The following MFAP1 variants were observed in gnomAD, a reference collection of about 807,000 sequenced individuals.
MFAP1 encodes microfibrillar-associated protein 1.
MFAP1 carries 18 observed loss-of-function variants against 62.2 expected under a neutral mutation model. The observed-to-expected ratio is 0.29, with a 90% CI of 0.20 to 0.43. The LOEUF (loss-of-function observed/expected upper bound fraction) is 0.43, where lower values mean the gene tolerates loss of function less well. MFAP1 is among the 20% of genes least tolerant of loss of function. The pLI, the probability that MFAP1 is intolerant of heterozygous loss-of-function variation, is 1.00. For missense variants in MFAP1, 355 were observed against 559.7 expected, an observed-to-expected ratio of 0.63 and a Z score of 3.69; for synonymous variants, 175 against 180.4, an observed-to-expected ratio of 0.97 and a Z score of 0.24.
At chr15:43,815,311 C>T (rs1290420641) in intron 2 of MFAP1, among the ~76,000 whole-genome samples, 2 of 152,054 alleles carry the variant, frequency 1.3e-5, no homozygotes, top group Non-Finnish European at 2.9e-5. Flanking sequence ...TCCTGAGTAG[C>T]TGGGACTATA....
intron 1 of MFAP1, among the ~76,000 whole-genome samples, chr15:43,820,567 C>A (rs1224574774): frequency 1.3e-5 from 2 of 152,142 alleles, no homozygotes; most frequent in African/African-American, 4.8e-5. Flanking sequence ...AATAAGCATA[C>A]CTGTACATTA....
At chr15:43,808,238 G>A (rs1267770732) in intron 7 of MFAP1, among the ~76,000 whole-genome samples, 2 of 152,200 alleles carry the variant, frequency 1.3e-5, no homozygotes, top group Admixed American at 6.5e-5. Flanking sequence ...CAAAGTCTTG[G>A]TCAGCCACCC....
intron 1 of MFAP1, among the ~76,000 whole-genome samples, chr15:43,821,940 CGTGT>C (rs138800912): frequency 1.3e-5 from 2 of 151,252 alleles, no homozygotes; most frequent in South Asian, 2.1e-4. Context: ...AAACTAGAAA[CGTGT>C]GTAAGAGAAG....
rs182664163 is a variant in MFAP1 at position 43,816,690 on chromosome 15, C to T, written c.299+539G>A. On this transcript the variant is annotated intron_variant, in intron 2 of 8. Coordinates refer to ENST00000267812, the MANE Select transcript of MFAP1 (RefSeq NM_005926.3). ...AAAAAACTCCTGGGACAATTATGAACGGTGAAAGTTCAGGACTCCTGGCCT... is the reference window on the plus strand; with the variant it reads ...AAAAAACTCCTGGGACAATTATGAATGGTGAAAGTTCAGGACTCCTGGCCT... Among the ~76,000 whole-genome samples the T allele has an allele frequency of 2.2e-3, 336 of 152,220 alleles. 2 individuals are homozygous for T. The highest frequency in any genetic ancestry group is 9.7e-4 in the Non-Finnish European group (66 of 68,012).
At chr15:43,818,271 A>G (rs1316094288) in intron 1 of MFAP1, among the ~76,000 whole-genome samples, 3 of 151,966 alleles carry the variant, frequency 2.0e-5, no homozygotes, top group Non-Finnish European at 4.4e-5. Flanking sequence ...CGCCCACCTC[A>G]GCCTCCCAAA....
Position 43,805,199 on chromosome 15 carries a change from A to G in MFAP1, c.1215T>C (p.Ala405=), listed in dbSNP as rs769520433. 22 of 1,602,826 alleles carry G rather than the reference A, an allele frequency of 1.4e-5. No homozygotes were observed. The highest frequency in any genetic ancestry group is 1.9e-5 in the Non-Finnish European group (22 of 1,170,276). The part of the protein sequence containing the change: ...VDQDTTSFDS[A]WGQESAQNTK... Reference sequence around the variant, plus strand: ...TGTTCTGGGCACTCTCTTGGCCCCAAGCTGAGTCAAAGGAGGTGGTATCTT... The same window carrying G: ...TGTTCTGGGCACTCTCTTGGCCCCAGGCTGAGTCAAAGGAGGTGGTATCTT... Residue 405 remains alanine (A), a synonymous_variant, in exon 9 of 9, where the codon GCT becomes GCC. Coordinates refer to ENST00000267812, the MANE Select transcript of MFAP1 (RefSeq NM_005926.3).
At chr15:43,809,935 T>C in intron 6 of MFAP1, 21 bp from the exon 7 acceptor site, 2 of 1,613,758 alleles carry the variant, frequency 1.2e-6, no homozygotes, top group Non-Finnish European at 1.7e-6. Context: ...AGCAAAACAA[T>C]TTATTGGTAC....
At position 43,805,027 on chromosome 15, in the gene MFAP1, C is replaced by A. The variant is rs2087354005; in HGVS notation, c.*67G>T. On this transcript the variant is annotated 3_prime_UTR_variant, in exon 9 of 9. Transcript: ENST00000267812. ...AGGGGCCAAGGAAACAATGAAAAAA[C>A]CAAATCAAGGACCAGATGCTGAGAC... The A allele has an allele frequency of 1.3e-6, 2 of 1,483,522 alleles. No individual in the cohort carries two copies. The highest frequency in any genetic ancestry group is 9.1e-7 in the Non-Finnish European group (1 of 1,104,568). 91.9% of individuals were successfully genotyped at this position (1,483,522 alleles called of 1,614,324 possible).
intron 2 of MFAP1, among the ~76,000 whole-genome samples, chr15:43,815,494 G>A (rs961292788): frequency 9.2e-5 from 14 of 152,150 alleles, no homozygotes; most frequent in African/African-American, 2.2e-4. Flanking sequence ...AAAGTATTGA[G>A]GTGGAGGAAA....
Position 43,813,234 on chromosome 15 carries a change from A to G in MFAP1, c.726+15T>C. 1.9e-6 allele frequency: 3 copies of G among 1,614,022 alleles called. No individual in the cohort carries two copies. The highest frequency in any genetic ancestry group is 1.3e-5 in the African/African-American group (1 of 75,016). On this transcript the variant is annotated intron_variant, in intron 5 of 8. Transcript: ENST00000267812. ...CTATTTCTTGTACTCATTCCTTGCAACCACTCCCCAGTACCTTGAGTGTGT... is the reference window on the plus strand; with the variant it reads ...CTATTTCTTGTACTCATTCCTTGCAGCCACTCCCCAGTACCTTGAGTGTGT...
In MFAP1 at chr15:43,813,081, G is replaced by C. The variant is rs767634336; in HGVS notation, c.793C>G (p.Leu265Val). 1 of 1,614,068 alleles carries C rather than the reference G, an allele frequency of 6.2e-7. No homozygotes were observed. The highest frequency in any genetic ancestry group is 1.3e-5 in the African/African-American group (1 of 75,004). ...NKRSLAALDA[L>V]NTDDENDEEE... Reference sequence around the variant, plus strand: ...TCATCATTTTCATCATCAGTATTGAGTGCATCCAATGCAGCCAGGGATCGC... The same window carrying C: ...TCATCATTTTCATCATCAGTATTGACTGCATCCAATGCAGCCAGGGATCGC... The change falls in exon 6 of 9, where the codon CTC becomes GTC. Residue 265 changes from leucine (L) to valine (V), a missense_variant. Physicochemically the swap from Leu to Val is conservative, Grantham distance 32. Around this residue, in one of 6 missense-constraint regions of MFAP1, gnomAD observed 257 missense variants for 341.3 expected, o/e 0.75. Transcript: ENST00000267812.
intron 1 of MFAP1, among the ~76,000 whole-genome samples, chr15:43,822,493 C>T (rs904599362): frequency 6.6e-6 from 1 of 152,086 alleles, no homozygotes; most frequent in Non-Finnish European, 1.5e-5. Context: ...CCTGCCTCAG[C>T]CTTCCAAACA....
At chr15:43,813,170 C>G (rs375134441) in intron 5 of MFAP1, 23 bp from the exon 6 acceptor site, 1 of 1,613,830 alleles carries the variant, frequency 6.2e-7, no homozygotes, top group Non-Finnish European at 8.5e-7. Context: ...AACAATTCAG[C>G]TTGGACTTCC....
rs985902763 is a variant in MFAP1 at position 43,813,011 on chromosome 15, T to C, written c.863A>G (p.Lys288Arg). Residue 288 changes from lysine (K) to arginine (R), a missense_variant, in exon 6 of 9, where the codon AAG (lysine) becomes AGG (arginine). By Grantham distance (26) the Lys-to-Arg change is conservative. Coordinates refer to ENST00000267812, the MANE Select transcript of MFAP1 (RefSeq NM_005926.3). ...AWKVRELKRI[K>R]RDREDREALE... ...CGCTTCTCGATCTTCTCTGTCCCTCTTGATTCTTTTTAGCTCTCGAACTTT... is the reference window on the plus strand; with the variant it reads ...CGCTTCTCGATCTTCTCTGTCCCTCCTGATTCTTTTTAGCTCTCGAACTTT... 6.2e-7 allele frequency: 1 copy of C among 1,614,222 alleles called. No homozygotes were observed. Among genetic ancestry groups the C allele is most frequent in the African/African-American group, 1.3e-5 (1 of 75,058 alleles).
intron 2 of MFAP1, 95 bp from the exon 3 acceptor site, chr15:43,815,169 T>A: frequency 6.6e-7 from 1 of 1,520,122 alleles, no homozygotes; most frequent in Non-Finnish European, 8.9e-7. Context: ...TATGTTTGCC[T>A]TCATTAATAC....
At chr15:43,807,088 C>A (rs928287983) in intron 7 of MFAP1, among the ~76,000 whole-genome samples, 2 of 152,132 alleles carry the variant, frequency 1.3e-5, no homozygotes, top group African/African-American at 4.8e-5. Context: ...TAGTAGCTCA[C>A]GCCTGTAATC....
intron 7 of MFAP1, among the ~76,000 whole-genome samples, chr15:43,806,823 G>A (rs2087369095): frequency 6.6e-6 from 1 of 152,176 alleles, no homozygotes; most frequent in Admixed American, 6.6e-5. Flanking sequence ...AGTGAGCTGA[G>A]ATCGCACCAC....
chr15:43,824,350 T>A (rs1401567631), intron 1 of MFAP1, 141 bp downstream of exon 1: 1 of 728,386 alleles, frequency 1.4e-6, no homozygotes, highest in East Asian at 2.7e-5. Context: ...TGCAAGTGGG[T>A]GGGGGTGGAA....
intron 2 of MFAP1, 26 bp downstream of exon 2, chr15:43,817,202 TC>T: frequency 6.2e-7 from 1 of 1,602,834 alleles, no homozygotes; most frequent in Non-Finnish European, 8.5e-7. Context: ...AGGTTCATGT[TC>T]AAGTAAACAC....
Sources: allele counts gnomAD v4.1 joint callset (sites outside exome capture counted in the v4.1 genomes callset), GRCh38; gene constraint gnomAD v4.1.1; regional missense constraint gnomAD v4.1.1; transcripts MANE v1.5; gene names NCBI Gene and HGNC (gene_info 2026-07-23, HGNC 2026-07-21).